DPPA4: variants seen among roughly 807,000 people sequenced by gnomAD.
DPPA4 encodes the protein developmental pluripotency-associated protein 4.
Under a neutral mutation model 33.7 loss-of-function variants are expected in DPPA4, and 22 were observed. The ratio of observed to expected loss-of-function variants is 0.65; its 90% CI spans 0.47 to 0.93. The LOEUF (loss-of-function observed/expected upper bound fraction) is 0.93. Among genes scored for constraint, DPPA4 ranks in the 40% least tolerant of loss-of-function variants. The pLI, the probability that DPPA4 is intolerant of heterozygous loss-of-function variation, is 0.00. For missense variants in DPPA4, 340 were observed against 358.6 expected (o/e 0.95, Z 0.42); for synonymous variants, 156 against 132.3 (o/e 1.18, Z -1.23).
At position 109,326,984 on chromosome 3, in the gene DPPA4, G is replaced by A. The variant is rs908305670; in HGVS notation, c.*1004C>T. The A allele has an allele frequency of 1.3e-5, 2 of 151,958 alleles. No homozygotes were observed. Among genetic ancestry groups the A allele is most frequent in the African/African-American group, 4.8e-5 (2 of 41,390 alleles). The allele number at this position is 151,958 out of a possible 1,614,324, so 9.4% of individuals were successfully genotyped here. ...ATCTTATTTTTATTTATGGAGAATC[G>A]GTTAATAAACACATTTTAAATTCAA... On this transcript the variant is annotated 3_prime_UTR_variant, in exon 7 of 7. Transcript: ENST00000335658.
At chr3:109,333,408 T>C (rs1223625900) in intron 2 of DPPA4, 1 of 150,738 alleles carries the variant, frequency 6.6e-6, no homozygotes, top group East Asian at 1.9e-4. Flanking sequence ...AATAGTAGGG[T>C]TTACTCTGTA....
At chr3:109,338,048 A>C (rs1443993460), upstream of DPPA4, among the ~76,000 whole-genome samples, 1 of 152,228 alleles carries the variant, frequency 6.6e-6, no homozygotes, top group African/African-American at 2.4e-5. Flanking sequence ...TTCATCTGCC[A>C]ACGAACTAAT....
In DPPA4 at chr3:109,330,565, G is replaced by A. The variant is rs765508136; in HGVS notation, c.638C>T (p.Ala213Val). Residue 213 changes from alanine to valine, a missense_variant, in exon 5 of 7, where the codon GCG becomes GTG. Coordinates refer to ENST00000335658, the MANE Select transcript of DPPA4 (RefSeq NM_018189.4). Reference protein sequence around the residue: ...LASWARISARARTPEAVESPQ... With the variant: ...LASWARISARVRTPEAVESPQ... ...AGATTCCACTGCCTCTGGTGTCCTC[G>A]CCCTGGCTGAAATTCTCGCCCAGGA... 13 of 1,613,698 alleles carry A rather than the reference G, an allele frequency of 8.1e-6. No individual in the cohort carries two copies. Among genetic ancestry groups the A allele is most frequent in the South Asian group, 5.5e-5 (5 of 91,060 alleles).
upstream of DPPA4, among the ~76,000 whole-genome samples, chr3:109,339,436 G>A (rs1015434337): frequency 2.0e-5 from 3 of 152,084 alleles, no homozygotes; most frequent in African/African-American, 7.2e-5. Flanking sequence ...AGAAAACAGT[G>A]TCTGGAGAAA....
At chr3:109,331,663 C>A in intron 4 of DPPA4, 71 bp downstream of exon 4, 3 of 1,452,140 alleles carry the variant, frequency 2.1e-6, no homozygotes. Context: ...AAGACAGTTC[C>A]TTTACTCACT....
chr3:109,332,154 T>C lies in DPPA4; in HGVS notation c.179-123A>G, dbSNP rs1284412777. On this transcript the variant is annotated intron_variant, in intron 2 of 6. Coordinates refer to ENST00000335658, the MANE Select transcript of DPPA4 (RefSeq NM_018189.4). Reference sequence around the variant, plus strand: ...ATCTTGCTCTGTCGCCCGGCTGGAGTGCAGTGGCGCGATCTTGGCTCCCTG... The same window carrying C: ...ATCTTGCTCTGTCGCCCGGCTGGAGCGCAGTGGCGCGATCTTGGCTCCCTG... The C allele has an allele frequency of 2.7e-5, 23 of 856,964 alleles. No individual in the cohort carries two copies. The East Asian group carries it at 5.5e-4, about 21-fold the overall frequency. 53.1% of individuals were successfully genotyped at this position (856,964 alleles called of 1,614,324 possible).
At chr3:109,338,437 G>A (rs535220888), upstream of DPPA4, among the ~76,000 whole-genome samples, 2 of 152,326 alleles carry the variant, frequency 1.3e-5, no homozygotes, top group East Asian at 3.9e-4. Flanking sequence ...AGTGCTCCCT[G>A]TCAGATTGTC....
intron 1 of DPPA4, among the ~76,000 whole-genome samples, chr3:109,335,773 G>T (rs375094927): frequency 2.6e-3 from 389 of 151,984 alleles, no homozygotes; most frequent in African/African-American, 8.9e-3. Context: ...TAGCAATCTG[G>T]CAACAATTAC....
chr3:109,336,850 G>A (rs1473699424), intron 1 of DPPA4, among the ~76,000 whole-genome samples: 1 of 152,138 alleles, frequency 6.6e-6, no homozygotes, highest in East Asian at 1.9e-4. Flanking sequence ...CTCCAGCCAG[G>A]GAGACAAAAG....
intron 6 of DPPA4, among the ~76,000 whole-genome samples, chr3:109,328,495 T>C (rs1707984929): frequency 6.6e-6 from 1 of 152,206 alleles, no homozygotes; most frequent in South Asian, 2.1e-4. Context: ...TAGTCGATTC[T>C]TCCCTTAACT....
At chr3:109,336,322 T>G (rs1708211169) in intron 1 of DPPA4, 1 of 152,154 alleles carries the variant, frequency 6.6e-6, no homozygotes, top group African/African-American at 2.4e-5. Flanking sequence ...AGTACTCACT[T>G]TGGACCTCAC....
At chr3:109,328,065 G>T (rs1370126980) in intron 6 of DPPA4, 41 bp from the exon 7 acceptor site, 2 of 1,322,162 alleles carry the variant, frequency 1.5e-6, no homozygotes, top group East Asian at 2.3e-5. Context: ...AAAGAATGAA[G>T]AAATATTAAA....
chr3:109,335,109 T>C (rs182441590), intron 1 of DPPA4, among the ~76,000 whole-genome samples: 7 of 152,340 alleles, frequency 4.6e-5, no homozygotes, highest in African/African-American at 1.2e-4. Context: ...CTCTGTCTCA[T>C]ACTAGGCATT....
At chr3:109,331,848 C>T (rs778079833) in intron 3 of DPPA4, 23 bp downstream of exon 3, 5 of 1,613,522 alleles carry the variant, frequency 3.1e-6, no homozygotes, top group South Asian at 2.2e-5. Context: ...CCCAGCAGCA[C>T]CGTCCCCAGC....
chr3:109,329,375 A>G, intron 5 of DPPA4: 1 of 236,956 alleles, frequency 4.2e-6, no homozygotes, highest in Non-Finnish European at 7.2e-6. Flanking sequence ...TTCTACTAAA[A>G]ATACAAAAAA....
intron 2 of DPPA4, chr3:109,333,654 T>C: frequency 2.6e-6 from 1 of 379,430 alleles, no homozygotes; most frequent in African/African-American, 2.1e-5. Flanking sequence ...CAGAACCAAA[T>C]ATGCTGTGGA....
At chr3:109,334,535 A>T (rs972738669) in intron 1 of DPPA4, among the ~76,000 whole-genome samples, 12 of 151,848 alleles carry the variant, frequency 7.9e-5, no homozygotes, top group African/African-American at 2.9e-4. Flanking sequence ...ACTGTCTCAA[A>T]AAAAAAAAAG....
chr3:109,329,142 ATG>A (rs1708000503), intron 5 of DPPA4, 54 bp from the exon 6 acceptor site: 1 of 1,504,152 alleles, frequency 6.6e-7, no homozygotes, highest in Non-Finnish European at 9.2e-7. Flanking sequence ...TGACATACTG[ATG>A]TAAGACTGCA....
At chr3:109,331,278 A>G (rs1414767494) in intron 4 of DPPA4, among the ~76,000 whole-genome samples, 2 of 148,080 alleles carry the variant, frequency 1.4e-5, no homozygotes, top group Admixed American at 6.8e-5. Context: ...AAAAAAAAAA[A>G]AAAAAAGAAA....
Sources: gnomAD v4.1 joint callset for allele counts (sites outside exome capture counted in the v4.1 genomes callset) on GRCh38, gnomAD v4.1.1 for gene constraint, MANE v1.5 for transcripts, NCBI Gene and HGNC (gene_info 2026-07-23, HGNC 2026-07-21) for gene names.